The following PTPRU variants were observed in gnomAD, a reference collection of about 807,000 sequenced individuals.
PTPRU encodes receptor-type tyrosine-protein phosphatase U.
PTPRU carries 69 observed loss-of-function variants against 166.3 expected under a neutral mutation model. The observed-to-expected ratio is 0.41, with a 90% CI of 0.34 to 0.51. PTPRU has a LOEUF of 0.51. Ranked by LOEUF, PTPRU falls within the 20% of genes least tolerant of loss-of-function variation. PTPRU has a pLI of 0.09. For synonymous variants in PTPRU, 793 were observed against 814.0 expected (o/e 0.97, Z 0.44); for missense variants, 1,657 against 2,013.7 (o/e 0.82, Z 3.39).
At chr1:29,318,374 G>A (rs909175564) in intron 25 of PTPRU, among the ~76,000 whole-genome samples, 13 of 152,192 alleles carry the variant, frequency 8.5e-5, no homozygotes, top group African/African-American at 2.9e-4. Context: ...GGCCCTCTGA[G>A]GGCTCAGGAG....
In PTPRU at chr1:29,316,008, T is replaced by C; in HGVS notation, c.3370T>C (p.Tyr1124His). ...RVNMIQTEEQ[Y>H]IFIHDAILEA... ...TTCTCATCTCCTGTTCCAGGAGCAGTACATCTTCATTCATGATGCAATCCT... is the reference window on the plus strand; with the variant it reads ...TTCTCATCTCCTGTTCCAGGAGCAGCACATCTTCATTCATGATGCAATCCT... Residue 1124 changes from tyrosine to histidine, a missense_variant, in exon 24 of 30, where the codon TAC becomes CAC. Transcript: ENST00000373779. 1 of 1,614,088 alleles carries C rather than the reference T, an allele frequency of 6.2e-7. No individual in the cohort carries two copies. Among genetic ancestry groups the C allele is most frequent in the Non-Finnish European group, 8.5e-7 (1 of 1,179,966 alleles).
chr1:29,305,568 C>T (rs1335117225), intron 18 of PTPRU, 140 bp downstream of exon 18: 2 of 893,754 alleles, frequency 2.2e-6, no homozygotes, highest in Non-Finnish European at 3.7e-6. Context: ...GCAGTCAGTG[C>T]CAGGGAGCTC....
intron 7 of PTPRU, among the ~76,000 whole-genome samples, chr1:29,274,777 G>A (rs1005317752): frequency 2.0e-5 from 3 of 152,136 alleles, no homozygotes; most frequent in Non-Finnish European, 4.4e-5. Flanking sequence ...TTGGCCGGGT[G>A]CGGTGGCTCA....
chr1:29,283,292 C>T (rs1159515649), intron 12 of PTPRU, among the ~76,000 whole-genome samples: 1 of 151,382 alleles, frequency 6.6e-6, no homozygotes, highest in East Asian at 1.9e-4. Flanking sequence ...CCCCACCTCC[C>T]AGAGTCCGTC....
chr1:29,284,088 G>GCA, intron 13 of PTPRU, 112 bp downstream of exon 13: 2 of 1,361,304 alleles, frequency 1.5e-6, no homozygotes, highest in Non-Finnish European at 2.1e-6. Context: ...GGGTGGTTGG[G>GCA]CAGTCCTGGG....
chr1:29,301,724 C>T (rs1687141861), intron 15 of PTPRU, among the ~76,000 whole-genome samples: 1 of 152,164 alleles, frequency 6.6e-6, no homozygotes, highest in South Asian at 2.1e-4. Flanking sequence ...CTAATGCTAT[C>T]CTTCCCCCCT....
intron 13 of PTPRU, 43 bp from the exon 14 acceptor site, chr1:29,284,688 C>G: frequency 6.2e-7 from 1 of 1,613,824 alleles, no homozygotes; most frequent in Non-Finnish European, 8.5e-7. Flanking sequence ...CTCGATGGTC[C>G]CTGTCTTTCC....
intron 15 of PTPRU, among the ~76,000 whole-genome samples, chr1:29,293,324 G>A (rs1018346727): frequency 2.6e-4 from 39 of 151,856 alleles, no homozygotes; most frequent in African/African-American, 8.5e-4. Context: ...TGTTAGCCAC[G>A]CTGTTAGCCA....
At chr1:29,304,737 CCT>C in intron 16 of PTPRU, 35 bp from the exon 17 acceptor site, 1 of 1,538,126 alleles carries the variant, frequency 6.5e-7, no homozygotes, top group Non-Finnish European at 9.0e-7. Context: ...AGTGAGGGTC[CCT>C]CTCTCCCACT....
intron 15 of PTPRU, among the ~76,000 whole-genome samples, chr1:29,294,134 A>G (rs1686776249): frequency 6.6e-6 from 1 of 152,220 alleles, no homozygotes. Context: ...GTGCATCTTC[A>G]GCTTAATAAG....
intron 16 of PTPRU, among the ~76,000 whole-genome samples, 199 bp downstream of exon 16, chr1:29,304,244 A>G (rs376912947): frequency 1.3e-5 from 2 of 152,002 alleles, no homozygotes; most frequent in South Asian, 4.2e-4. Flanking sequence ...TCTCATGCTA[A>G]CCCTGATTTG....
chr1:29,236,806 C>G lies in PTPRU; in HGVS notation c.73+89C>G, dbSNP rs189127082. 8.4e-7 allele frequency: 1 copy of G among 1,196,386 alleles called. No individual in the cohort carries two copies. Among genetic ancestry groups the G allele is most frequent in the Non-Finnish European group, 1.1e-6 (1 of 933,852 alleles). The allele number at this position is 1,196,386 out of a possible 1,614,324, so 74.1% of individuals were successfully genotyped here. ...GAAGAAAGTGTGAGTGTTGAGTGAC[C>G]GGGCGTTACGAGCGTGCTCCCTGTG... On this transcript the variant is annotated intron_variant, in intron 1 of 29. Transcript: ENST00000373779. The surrounding 1 kb of genome is among the most constrained non-coding windows in gnomAD (Gnocchi z 4.6).
chr1:29,293,665 G>A (rs1010374682), intron 15 of PTPRU, among the ~76,000 whole-genome samples: 1 of 150,974 alleles, frequency 6.6e-6, no homozygotes, highest in Non-Finnish European at 1.5e-5. Flanking sequence ...TAATAGAGAC[G>A]GGATTTCACC....
chr1:29,309,208 A>G lies in PTPRU; in HGVS notation c.2821-1536A>G, dbSNP rs536168747. The stretch of plus-strand genomic sequence containing the variant: ...GCTTAGAGAGGCCAAGAGCCTGGCT[A>G]CTCAGGATGTTTTGAGGCCAGCAAT... On this transcript the variant is annotated intron_variant, in intron 18 of 29. Transcript: ENST00000373779. 4.7e-4 allele frequency among the ~76,000 whole-genome samples: 71 copies of G among 152,302 alleles called. 1 individual carries two copies. Among genetic ancestry groups the G allele is most frequent in the African/African-American group, 1.6e-3 (68 of 41,550 alleles).
chr1:29,297,967 C>T (rs973669668), intron 15 of PTPRU, among the ~76,000 whole-genome samples: 2 of 152,078 alleles, frequency 1.3e-5, no homozygotes, highest in Non-Finnish European at 2.9e-5. Context: ...TGGTTGGAAA[C>T]TCAAAAGGTG....
chr1:29,324,996 C>T (rs1282261559), intron 28 of PTPRU, among the ~76,000 whole-genome samples, 195 bp from the exon 29 acceptor site: 1 of 150,748 alleles, frequency 6.6e-6, no homozygotes. Flanking sequence ...CCCCTCTCCT[C>T]TAGGCTCTCG....
rs527954634 is a variant in PTPRU, at chr1:29,272,293, A to C, written c.1145-3155A>C. ...AGGGAGCAGTGGCAGCCAGCCCCTCAGTGTCCATATGGGATGGGATTTGGG... is the reference window on the plus strand; with the variant it reads ...AGGGAGCAGTGGCAGCCAGCCCCTCCGTGTCCATATGGGATGGGATTTGGG... On this transcript the variant is annotated intron_variant, in intron 7 of 29. Transcript: ENST00000373779. Among the ~76,000 whole-genome samples the C allele has an allele frequency of 1.3e-5, 2 of 152,200 alleles. 1 individual carries two copies. The highest frequency in any genetic ancestry group is 4.1e-4 in the South Asian group (2 of 4,824).
intron 7 of PTPRU, among the ~76,000 whole-genome samples, chr1:29,269,572 G>C (rs6687475): frequency 0.71 from 107,292 of 151,696 alleles, 38,665 homozygotes; most frequent in South Asian, 0.86. Context: ...GAATTACACG[G>C]TTCTCTTTGT....
In PTPRU at chr1:29,311,994, C is replaced by G. The variant is rs542013453; in HGVS notation, c.3072+235C>G. Reference sequence around the variant, plus strand: ...ACAATGAAGGGGGTGACAGTATCTGCCAGGTGCTGGCTCCTACTCTGTGCT... The same window carrying G: ...ACAATGAAGGGGGTGACAGTATCTGGCAGGTGCTGGCTCCTACTCTGTGCT... On this transcript the variant is annotated intron_variant, in intron 21 of 29. Coordinates refer to ENST00000373779, the MANE Select transcript of PTPRU (RefSeq NM_133178.4). The surrounding 1 kb of genome is among the most constrained non-coding windows in gnomAD (Gnocchi z 4.1). Among the ~76,000 whole-genome samples, 1 of 152,326 alleles carries G rather than the reference C, an allele frequency of 6.6e-6. No homozygotes were observed. The highest frequency in any genetic ancestry group is 2.1e-4 in the South Asian group (1 of 4,830).
Sources: allele counts gnomAD v4.1 joint callset (sites outside exome capture counted in the v4.1 genomes callset), GRCh38; gene constraint gnomAD v4.1.1; non-coding constraint Gnocchi (gnomAD v3.1); transcripts MANE v1.5; gene names NCBI Gene and HGNC (gene_info 2026-07-23, HGNC 2026-07-21).